The following HERC2 variants were observed in gnomAD, a reference collection of about 807,000 sequenced individuals.
HERC2 encodes the protein HECT and RLD domain containing E3 ubiquitin protein ligase 2.
In HERC2, 102 loss-of-function variants were observed where a neutral mutation model predicts 537.7. The ratio of observed to expected loss-of-function variants is 0.19; its 90% CI spans 0.16 to 0.22. The LOEUF (loss-of-function observed/expected upper bound fraction) is 0.22. Among genes scored for constraint, HERC2 ranks in the 10% least tolerant of loss-of-function variants. HERC2 has a pLI of 1.00. For missense variants in HERC2, 4,236 were observed against 6,198.2 expected, an observed-to-expected ratio of 0.68 and a Z score of 10.63; for synonymous variants, 2,224 against 2,466.2, an observed-to-expected ratio of 0.90 and a Z score of 2.91.
intron 69 of HERC2, among the ~76,000 whole-genome samples, chr15:28,157,235 G>A (rs1377112222): frequency 6.6e-6 from 1 of 152,172 alleles, no homozygotes; most frequent in Non-Finnish European, 1.5e-5. Context: ...CCAGGCTTTG[G>A]TATCAGGATG....
chr15:28,160,294 C>G (rs1376129323), intron 69 of HERC2, among the ~76,000 whole-genome samples: 2 of 152,206 alleles, frequency 1.3e-5, no homozygotes, highest in East Asian at 1.9e-4. Flanking sequence ...GCAGAGGTTT[C>G]TGCTGCCTTT....
rs1255219653 is a variant in HERC2, at chr15:28,168,518, C to A, written c.10302G>T (p.Ala3434=). 1.2e-6 allele frequency: 2 copies of A among 1,614,042 alleles called. No individual in the cohort carries two copies. The highest frequency in any genetic ancestry group is 1.7e-6 in the Non-Finnish European group (2 of 1,180,038). ...CCATCGCAGATGCGTCGGAAGGGGCCGCCGAGGAGAACGAGGGGCACTCCA... is the reference window on the plus strand; with the variant it reads ...CCATCGCAGATGCGTCGGAAGGGGCAGCCGAGGAGAACGAGGGGCACTCCA... ...APVECPSFSS[A]APSDASAMAS... is the part of the protein sequence containing the mutation. The change falls in exon 67 of 93, where the codon GCG becomes GCT. Residue 3434 remains alanine, a synonymous_variant. Coordinates refer to ENST00000261609, the MANE Select transcript of HERC2 (RefSeq NM_004667.6).
intron 23 of HERC2, 40 bp downstream of exon 23, chr15:28,245,841 A>T: frequency 6.5e-7 from 1 of 1,549,228 alleles, no homozygotes; most frequent in East Asian, 2.2e-5. Flanking sequence ...GACAAGGACA[A>T]TAAAACTTTC....
rs1019436734 is a variant in HERC2 at position 28,122,684 on chromosome 15, T to A, written c.13189-1255A>T. Reference sequence around the variant, plus strand: ...CTGGACCGGGAGTAGTAACACCCACTCTCTGAGGCCGATCCTCACCATAAC... The same window carrying A: ...CTGGACCGGGAGTAGTAACACCCACACTCTGAGGCCGATCCTCACCATAAC... On this transcript the variant is annotated intron_variant, in intron 85 of 92. Transcript: ENST00000261609. The surrounding 1 kb of genome is among the most constrained non-coding windows in gnomAD (Gnocchi z 4.1). Among the ~76,000 whole-genome samples, 1 of 151,942 alleles carries A rather than the reference T, an allele frequency of 6.6e-6. No homozygotes were observed. Among genetic ancestry groups the A allele is most frequent in the African/African-American group, 2.4e-5 (1 of 41,366 alleles).
intron 2 of HERC2, among the ~76,000 whole-genome samples, chr15:28,316,599 T>C (rs2077092963): frequency 6.6e-6 from 1 of 152,220 alleles, no homozygotes; most frequent in African/African-American, 2.4e-5. Flanking sequence ...GAGGCACCAG[T>C]ATTTGGATAT....
At chr15:28,208,586 C>T (rs951097399) in intron 44 of HERC2, among the ~76,000 whole-genome samples, 5 of 152,150 alleles carry the variant, frequency 3.3e-5, no homozygotes, top group Admixed American at 1.3e-4. Context: ...ACCCTGGTCT[C>T]CCAGGTACTC....
At chr15:28,137,209 T>C (rs1014031446) in intron 78 of HERC2, among the ~76,000 whole-genome samples, 3 of 152,224 alleles carry the variant, frequency 2.0e-5, no homozygotes, top group African/African-American at 4.8e-5. Context: ...CTCCTGAGAA[T>C]TGACACAGAG....
chr15:28,134,462 C>G (rs565606829), intron 79 of HERC2, among the ~76,000 whole-genome samples: 10 of 152,164 alleles, frequency 6.6e-5, no homozygotes, highest in African/African-American at 2.4e-4. Context: ...TTTCTTTGCA[C>G]TGCTGTACCG....
At chr15:28,270,429 T>G (rs189676038) in intron 10 of HERC2, among the ~76,000 whole-genome samples, 178 of 152,060 alleles carry the variant, frequency 1.2e-3, no homozygotes, top group African/African-American at 3.9e-3. Flanking sequence ...CCTGGGGCTG[T>G]GGATAAAGGG....
chr15:28,176,313 A>C lies in HERC2; in HGVS notation c.9686+115T>G. On this transcript the variant is annotated intron_variant, in intron 63 of 92. Transcript: ENST00000261609. The surrounding 1 kb of genome is among the most constrained non-coding windows in gnomAD (Gnocchi z 5.0). Reference sequence around the variant, plus strand: ...TCCTTTAAAGGACAAAGATGCATGCATAAGTAAAAAGAGGACACGTCACAA... The same window carrying C: ...TCCTTTAAAGGACAAAGATGCATGCCTAAGTAAAAAGAGGACACGTCACAA... 1.2e-6 allele frequency: 1 copy of C among 842,684 alleles called. No individual in the cohort carries two copies. The allele number at this position is 842,684 out of a possible 1,614,324, so 52.2% of individuals were successfully genotyped here.
At chr15:28,152,892 G>A (rs1892601214) in intron 69 of HERC2, 62 bp from the exon 70 acceptor site, 1 of 1,490,362 alleles carries the variant, frequency 6.7e-7, no homozygotes, top group Non-Finnish European at 9.1e-7. Flanking sequence ...TCACCTGCAT[G>A]CCACCTCTGC....
In HERC2 at chr15:28,215,674, T is replaced by C. The variant is rs753432259; in HGVS notation, c.6157A>G (p.Met2053Val). ...GGTGCGTGCCCTTCCACGACCTTCA[T>C]GAGCAGCGTGATCCACTGCGGGGAG... Reference protein sequence around the residue: ...LSSPQWITLLMKVVEGHAPFT... With the variant: ...LSSPQWITLLVKVVEGHAPFT... The change falls in exon 39 of 93, where the codon ATG becomes GTG. Residue 2053 changes from methionine (M) to valine (V), a missense_variant. By Grantham distance (21) the Met-to-Val change is conservative. This residue lies in a region of HERC2 where 365 missense variants were observed against 468.8 expected (regional missense o/e 0.78). Transcript: ENST00000261609. The C allele has an allele frequency of 1.2e-6, 2 of 1,611,958 alleles. No homozygotes were observed. Among genetic ancestry groups the C allele is most frequent in the African/African-American group, 1.3e-5 (1 of 75,000 alleles).
chr15:28,218,517 T>G lies in HERC2; in HGVS notation c.6000A>C (p.Leu2000Phe), dbSNP rs1900171988. The G allele has an allele frequency of 6.3e-7, 1 of 1,596,396 alleles. No individual in the cohort carries two copies. The highest frequency in any genetic ancestry group is 8.5e-7 in the Non-Finnish European group (1 of 1,179,726). ...TCTTGTCCGTCGTTCCGCTTTCCAC[T>G]AACATTCGCAGCAGTCCGCATAAAG... ...TKTLCGLLRM[L>F]VESGTTDKTS... Residue 2000 changes from leucine (L) to phenylalanine (F), a missense_variant, in exon 38 of 93, where the codon TTA becomes TTC. This residue lies in a region of HERC2 where 365 missense variants were observed against 468.8 expected (regional missense o/e 0.78). Coordinates refer to ENST00000261609, the MANE Select transcript of HERC2 (RefSeq NM_004667.6).
intron 2 of HERC2, among the ~76,000 whole-genome samples, chr15:28,320,923 TC>T (rs1412279169): frequency 6.6e-6 from 1 of 151,976 alleles, no homozygotes; most frequent in Admixed American, 6.6e-5. Flanking sequence ...CTCTTGTCTC[TC>T]CAGAAACACA....
Position 28,139,961 on chromosome 15 carries a change from G to A in HERC2, c.12015+1471C>T, listed in dbSNP as rs568097711. Reference sequence around the variant, plus strand: ...CGGGCGCCTGTTGTCCCAGCTACTCGGGAGGCTGAGGTAGGAGAATCGCTT... The same window carrying A: ...CGGGCGCCTGTTGTCCCAGCTACTCAGGAGGCTGAGGTAGGAGAATCGCTT... On this transcript the variant is annotated intron_variant, in intron 78 of 92. Transcript: ENST00000261609. 7.3e-5 allele frequency among the ~76,000 whole-genome samples: 11 copies of A among 151,366 alleles called. No homozygotes were observed. In the South Asian group the frequency reaches 1.3e-3, roughly 17 times the overall value.
chr15:28,181,614 TA>T (rs1204256333), intron 57 of HERC2, among the ~76,000 whole-genome samples: 8 of 152,290 alleles, frequency 5.3e-5, no homozygotes, highest in African/African-American at 1.9e-4. Context: ...CTCTGGGCAA[TA>T]AAATTTAGAG....
chr15:28,124,344 T>G (rs950329641), intron 84 of HERC2, 110 bp from the exon 85 acceptor site: 2 of 660,618 alleles, frequency 3.0e-6, no homozygotes, highest in Non-Finnish European at 4.6e-6. Context: ...AGAGAAGCAC[T>G]ATGGTGTCTG....
At chr15:28,316,862 C>T (rs1453173457) in intron 2 of HERC2, among the ~76,000 whole-genome samples, 1 of 152,152 alleles carries the variant, frequency 6.6e-6, no homozygotes, top group African/African-American at 2.4e-5. Flanking sequence ...CTACAACCTC[C>T]GCCTCCTGGG....
chr15:28,144,672 C>T lies in HERC2; in HGVS notation c.11140+1G>A. 1 of 1,614,214 alleles carries T rather than the reference C, an allele frequency of 6.2e-7. No individual in the cohort carries two copies. The highest frequency in any genetic ancestry group is 8.5e-7 in the Non-Finnish European group (1 of 1,180,030). The stretch of plus-strand genomic sequence containing the variant: ...TTGATCGCCATAAGCCCCTTCCTTA[C>T]CAGCAGCTGGCATGATGGGATAGAC... On this transcript the variant is annotated splice_donor_variant, in intron 72 of 92. Transcript: ENST00000261609. LOFTEE classifies it high-confidence loss of function.
Sources: gnomAD v4.1 joint callset for allele counts (sites outside exome capture counted in the v4.1 genomes callset) on GRCh38, gnomAD v4.1.1 for gene constraint, gnomAD v4.1.1 regional missense constraint, Gnocchi (gnomAD v3.1) non-coding constraint, MANE v1.5 for transcripts, NCBI Gene and HGNC (gene_info 2026-07-23, HGNC 2026-07-21) for gene names.